The following LYST variants were observed in gnomAD, a reference collection of about 807,000 sequenced individuals.
LYST encodes the protein lysosomal trafficking regulator.
Under a neutral mutation model 413.6 loss-of-function variants are expected in LYST, and 192 were observed. The observed-to-expected ratio is 0.46, with a 90% CI of 0.41 to 0.52. The LOEUF (loss-of-function observed/expected upper bound fraction) is 0.52, where lower values mean the gene tolerates loss of function less well. Ranked by LOEUF, LYST falls within the 20% of genes least tolerant of loss-of-function variation. LYST has a pLI of 0.00. For missense variants in LYST, 3,815 were observed against 4,499.9 expected, an observed-to-expected ratio of 0.85 and a Z score of 4.35; for synonymous variants, 1,525 against 1,567.3, an observed-to-expected ratio of 0.97 and a Z score of 0.64.
At chr1:235,777,014 ATAAG>A in intron 17 of LYST, 45 bp downstream of exon 17, 1 of 1,548,656 alleles carries the variant, frequency 6.5e-7, no homozygotes, top group Non-Finnish European at 8.9e-7. Flanking sequence ...TTTATCAATA[ATAAG>A]TAAGTCATTT....
chr1:235,798,578 T>TA lies in LYST; in HGVS notation c.4006+1741dup, dbSNP rs71174462. ...TGGCGACAAGGGCAAAACCCTGTCA[T>TA]AAAAAAAAAAAAAAAAAAAAAAAAA... On this transcript the variant is annotated intron_variant, in intron 10 of 52. Transcript: ENST00000389793. Among the ~76,000 whole-genome samples the TA allele has an allele frequency of 1.0e-3, 83 of 81,682 alleles. 8 individuals are homozygous for TA. Among genetic ancestry groups the TA allele is most frequent in the African/African-American group, 2.0e-3 (45 of 22,094 alleles). 53.6% of individuals were successfully genotyped at this position (81,682 alleles called of 152,430 possible).
chr1:235,771,645 G>A (rs1315556080), intron 19 of LYST, among the ~76,000 whole-genome samples: 1 of 151,632 alleles, frequency 6.6e-6, no homozygotes, highest in Non-Finnish European at 1.5e-5. Flanking sequence ...AGTGAGAAAA[G>A]GCATCACAAC....
intron 40 of LYST, among the ~76,000 whole-genome samples, chr1:235,717,631 A>G (rs567290156): frequency 4.3e-4 from 66 of 152,316 alleles, no homozygotes; most frequent in Non-Finnish European, 9.1e-4. Flanking sequence ...CTGCAGCACC[A>G]TAACTAGACC....
chr1:235,857,742 TACACACACACACACACAC>T lies in LYST; in HGVS notation c.-98+9083_-98+9100del, dbSNP rs56208034. 7.5e-3 allele frequency among the ~76,000 whole-genome samples: 971 copies of T among 129,346 alleles called. 9 individuals carry two copies. Among genetic ancestry groups the T allele is most frequent in the Non-Finnish European group, 0.011 (721 of 62,918 alleles). The allele number at this position is 129,346 out of a possible 152,430, so 84.9% of individuals were successfully genotyped here. ...GTATATATACACAAACATATGTAAA[TACACACACACACACACAC>T]ACACACACACACACACACACACACA... On this transcript the variant is annotated intron_variant, in intron 1 of 52. Transcript: ENST00000389793.
chr1:235,738,511 G>A lies in LYST; in HGVS notation c.8358+2911C>T, dbSNP rs747670195. ...TGCAATCTGGACTCAGCCCAATTCC[G>A]TTACCCAATGGGGGAAAGGCTGGGA... is the stretch of plus-strand genomic sequence containing the variant. On this transcript the variant is annotated intron_variant, in intron 31 of 52. Transcript: ENST00000389793. 1.5e-4 allele frequency: 244 copies of A among 1,611,994 alleles called. No homozygotes were observed. The Middle Eastern group carries it at 2.5e-3, about 16-fold the overall frequency.
intron 44 of LYST, 62 bp downstream of exon 44, chr1:235,709,029 A>G (rs562941868): frequency 4.9e-5 from 71 of 1,463,912 alleles, no homozygotes; most frequent in Non-Finnish European, 6.4e-5. Context: ...CCGAACAACT[A>G]ACCTTAAAAT....
chr1:235,788,885 C>A, intron 12 of LYST, 40 bp from the exon 13 acceptor site: 2 of 1,588,994 alleles, frequency 1.3e-6, no homozygotes, highest in South Asian at 2.2e-5. Flanking sequence ...TAAAATGGTT[C>A]GTAACAACTG....
intron 30 of LYST, among the ~76,000 whole-genome samples, chr1:235,742,628 A>C (rs1343570677): frequency 6.6e-6 from 1 of 151,590 alleles, no homozygotes; most frequent in Non-Finnish European, 1.5e-5. Context: ...CAACGAAGCT[A>C]AAGTCCTAAG....
Position 235,661,137 on chromosome 1 carries a change from A to G in LYST, c.*1803T>C, listed in dbSNP as rs542430088. On this transcript the variant is annotated 3_prime_UTR_variant, in exon 53 of 53. Coordinates refer to ENST00000389793, the MANE Select transcript of LYST (RefSeq NM_000081.4). ...CAGAAATGTTTGCTACAACATGCAC[A>G]TTATGAAGTATTTCAAACATATACA... The G allele has an allele frequency of 6.5e-6, 1 of 152,752 alleles. No individual in the cohort carries two copies. The highest frequency in any genetic ancestry group is 1.9e-4 in the East Asian group (1 of 5,194). 9.5% of individuals were successfully genotyped at this position (152,752 alleles called of 1,614,324 possible).
chr1:235,819,421 T>C (rs961798812), intron 3 of LYST, among the ~76,000 whole-genome samples: 1 of 152,178 alleles, frequency 6.6e-6, no homozygotes, highest in Non-Finnish European at 1.5e-5. Flanking sequence ...CAGCCCTCTA[T>C]TTCAAACCAA....
In LYST at chr1:235,813,111, T is replaced by C. The variant is rs547139174; in HGVS notation, c.193-50A>G. ...TCATGTTCTAAGGCGATAAGACACA[T>C]CAGTTCCTAATGTCTTGTCTTAAAC... On this transcript the variant is annotated intron_variant, in intron 3 of 52. Coordinates refer to ENST00000389793, the MANE Select transcript of LYST (RefSeq NM_000081.4). 14 of 1,053,404 alleles carry C rather than the reference T, an allele frequency of 1.3e-5. No homozygotes were observed. The African/African-American group carries it at 2.2e-4, about 16-fold the overall frequency. 65.3% of individuals were successfully genotyped at this position (1,053,404 alleles called of 1,614,324 possible).
intron 3 of LYST, among the ~76,000 whole-genome samples, chr1:235,823,791 T>C (rs1675039277): frequency 6.6e-6 from 1 of 152,252 alleles, no homozygotes; most frequent in Non-Finnish European, 1.5e-5. Context: ...GATGTCAATA[T>C]CTAAGAAGCA....
chr1:235,835,101 G>GGC (rs375802525), intron 1 of LYST, among the ~76,000 whole-genome samples: 10 of 60,586 alleles, frequency 1.7e-4, no homozygotes, highest in African/African-American at 6.0e-4. Context: ...TATTTTTAAT[G>GGC]GGGGGGGGTT....
At chr1:235,696,753 T>G (rs960375321) in intron 46 of LYST, among the ~76,000 whole-genome samples, 2 of 152,232 alleles carry the variant, frequency 1.3e-5, no homozygotes, top group Admixed American at 6.5e-5. Flanking sequence ...TCTTCTGAGA[T>G]GGTAGATTTG....
chr1:235,772,980 AAATT>A (rs1198217242), intron 19 of LYST, among the ~76,000 whole-genome samples: 8 of 152,244 alleles, frequency 5.3e-5, no homozygotes, highest in Non-Finnish European at 8.8e-5. Context: ...ATGAAGTAAT[AAATT>A]AATTATTTCT....
chr1:235,722,499 T>C (rs538388763), intron 39 of LYST, among the ~76,000 whole-genome samples: 28 of 152,178 alleles, frequency 1.8e-4, no homozygotes, highest in Non-Finnish European at 3.8e-4. Flanking sequence ...TGTTTTGTTT[T>C]GTTTTAGATG....
chr1:235,784,880 C>T (rs1380836811), intron 14 of LYST, among the ~76,000 whole-genome samples: 1 of 152,202 alleles, frequency 6.6e-6, no homozygotes, highest in African/African-American at 2.4e-5. Flanking sequence ...GAGAACGTCA[C>T]AGACAGTATT....
rs766464279 is a variant in LYST at position 235,773,963 on chromosome 1, T to C, written c.5663A>G (p.Asp1888Gly). 6.2e-7 allele frequency: 1 copy of C among 1,605,918 alleles called. No individual in the cohort carries two copies. The highest frequency in any genetic ancestry group is 2.2e-5 in the East Asian group (1 of 44,746). The change falls in exon 19 of 53, where the codon GAT becomes GGT. Residue 1888 changes from aspartate (D) to glycine (G), a missense_variant. Asp to Gly is a moderately conservative substitution (Grantham distance 94). Coordinates refer to ENST00000389793, the MANE Select transcript of LYST (RefSeq NM_000081.4). ...TCCATTCTCATTCATATAAATAATA[T>C]CTTCACCACAGCATCCTTCAAGAAG... ...KTLLEGCCGE[D>G]IIYMNENGEF...
chr1:235,711,398 A>G (rs1662391362), intron 43 of LYST, among the ~76,000 whole-genome samples: 2 of 152,356 alleles, frequency 1.3e-5, no homozygotes, highest in Non-Finnish European at 1.5e-5. Flanking sequence ...CACAGATACT[A>G]TACAACAAAA....
Sources: allele counts gnomAD v4.1 joint callset (sites outside exome capture counted in the v4.1 genomes callset), GRCh38; gene constraint gnomAD v4.1.1; transcripts MANE v1.5; gene names NCBI Gene and HGNC (gene_info 2026-07-23, HGNC 2026-07-21).